The following SHISA9 variants were observed in gnomAD, a reference collection of about 807,000 sequenced individuals.
SHISA9 encodes shisa family member 9, also known as protein shisa-9.
In SHISA9, 13 loss-of-function variants were observed where a neutral mutation model predicts 38.0. The observed-to-expected ratio is 0.34, with a 90% CI of 0.22 to 0.54. SHISA9 has a LOEUF of 0.54. Ranked by LOEUF, SHISA9 falls within the 20% of genes least tolerant of loss-of-function variation. The probability of loss-of-function intolerance (pLI) is 0.91; values close to 1 mark genes in which losing one functional copy is unlikely to be tolerated. For synonymous variants in SHISA9, 275 were observed against 242.0 expected (o/e 1.14, Z -1.27); for missense variants, 538 against 575.8 (o/e 0.93, Z 0.67).
At chr16:13,382,868 A>G in the SHISA9 span, among the ~76,000 whole-genome samples, 1 of 152,322 alleles carries the variant, frequency 6.6e-6, no homozygotes, top group Admixed American at 6.5e-5. Flanking sequence ...AAAACAAACA[A>G]ACAAACAAAG....
At chr16:13,084,936 G>A (rs1204249283) in intron 2 of SHISA9, among the ~76,000 whole-genome samples, 1 of 152,200 alleles carries the variant, frequency 6.6e-6, no homozygotes, top group Admixed American at 6.5e-5. Context: ...GAAAGACCAG[G>A]GTGGCTGGAG....
At chr16:13,093,676 G>A (rs912800306) in intron 2 of SHISA9, among the ~76,000 whole-genome samples, 2 of 152,056 alleles carry the variant, frequency 1.3e-5, no homozygotes, top group Non-Finnish European at 2.9e-5. Context: ...TTGTCCAGGC[G>A]CCCACATGTG....
chr16:13,227,087 AG>A, intron 4 of SHISA9, among the ~76,000 whole-genome samples: 1 of 152,210 alleles, frequency 6.6e-6, no homozygotes, highest in Admixed American at 6.5e-5. Flanking sequence ...CTCAAGAGGC[AG>A]GATGAATGCC....
At chr16:13,329,377 G>A in the SHISA9 span, among the ~76,000 whole-genome samples, 2 of 152,240 alleles carry the variant, frequency 1.3e-5, no homozygotes, top group South Asian at 2.1e-4. Context: ...GGGGCAAGAC[G>A]ATGAACCCTG....
chr16:13,362,244 C>T, the SHISA9 span, among the ~76,000 whole-genome samples: 1 of 140,914 alleles, frequency 7.1e-6, no homozygotes, highest in South Asian at 2.3e-4. Context: ...AACCAAACAA[C>T]AACAACAGCA....
chr16:13,315,846 G>A, the SHISA9 span, among the ~76,000 whole-genome samples: 1 of 152,084 alleles, frequency 6.6e-6, no homozygotes, highest in Admixed American at 6.5e-5. Context: ...AACCCAGGCG[G>A]GTAGAAGCCA....
At chr16:13,503,413 G>T in the SHISA9 span, among the ~76,000 whole-genome samples, 2 of 152,138 alleles carry the variant, frequency 1.3e-5, no homozygotes, top group African/African-American at 4.8e-5. Context: ...TCTATGAATT[G>T]CTTAGGTGGT....
At chr16:13,529,384 C>G in the SHISA9 span, among the ~76,000 whole-genome samples, 2 of 152,296 alleles carry the variant, frequency 1.3e-5, no homozygotes, top group African/African-American at 4.8e-5. Flanking sequence ...AGTTTTTAGA[C>G]AAAGCTTTGT....
intron 3 of SHISA9, among the ~76,000 whole-genome samples, chr16:13,211,977 C>T (rs993373766): frequency 3.3e-5 from 5 of 152,176 alleles, no homozygotes; most frequent in Admixed American, 1.3e-4. Context: ...AACTTCCTCA[C>T]TCTTCTCTCT....
chr16:13,169,749 T>G (rs1393092057), intron 2 of SHISA9, among the ~76,000 whole-genome samples: 1 of 152,192 alleles, frequency 6.6e-6, no homozygotes, highest in Non-Finnish European at 1.5e-5. Context: ...TCCCGAAAGC[T>G]AATGATGACA....
At chr16:13,374,198 G>C in the SHISA9 span, among the ~76,000 whole-genome samples, 2 of 151,184 alleles carry the variant, frequency 1.3e-5, no homozygotes, top group Non-Finnish European at 2.9e-5. Flanking sequence ...TTAAGTTCTA[G>C]GGTACATGTG....
At chr16:13,223,565 G>C (rs1220946534) in intron 4 of SHISA9, among the ~76,000 whole-genome samples, 1 of 152,176 alleles carries the variant, frequency 6.6e-6, no homozygotes, top group African/African-American at 2.4e-5. Context: ...CTCTACCATA[G>C]CTTTCAAGAG....
chr16:13,436,397 A>G, the SHISA9 span, among the ~76,000 whole-genome samples: 1 of 152,228 alleles, frequency 6.6e-6, no homozygotes, highest in Non-Finnish European at 1.5e-5. Context: ...ATGCCATGGC[A>G]ATGTCCATAA....
At chr16:13,338,555 T>C in the SHISA9 span, among the ~76,000 whole-genome samples, 3 of 152,260 alleles carry the variant, frequency 2.0e-5, no homozygotes, top group East Asian at 3.9e-4. Context: ...GTTTGGGAGA[T>C]GGCCACAGCA....
intron 2 of SHISA9, among the ~76,000 whole-genome samples, chr16:12,947,753 C>G (rs981844534): frequency 6.6e-6 from 1 of 152,134 alleles, no homozygotes; most frequent in Non-Finnish European, 1.5e-5. Flanking sequence ...AACTCCCTGC[C>G]CCTTGAAGGT....
intron 2 of SHISA9, among the ~76,000 whole-genome samples, chr16:13,190,027 G>T (rs999751674): frequency 1.3e-5 from 2 of 151,700 alleles, no homozygotes; most frequent in Non-Finnish European, 2.9e-5. Context: ...CCTGTTAATA[G>T]TATCTCATTA....
intron 2 of SHISA9, among the ~76,000 whole-genome samples, chr16:13,042,321 C>G (rs995047565): frequency 1.6e-4 from 24 of 152,182 alleles, no homozygotes; most frequent in African/African-American, 5.3e-4. Flanking sequence ...TCTTTCTGCT[C>G]ATTGACAGAA....
chr16:13,309,527 C>T, the SHISA9 span, among the ~76,000 whole-genome samples: 2 of 151,278 alleles, frequency 1.3e-5, no homozygotes, highest in Non-Finnish European at 2.9e-5. Context: ...CCTGTAATCC[C>T]AGCTACTTGG....
At chr16:13,178,176 G>C (rs2050747615) in intron 2 of SHISA9, among the ~76,000 whole-genome samples, 1 of 152,180 alleles carries the variant, frequency 6.6e-6, no homozygotes, top group Non-Finnish European at 1.5e-5. Context: ...TTCTCAAGTT[G>C]CTCAGAGCAT....
Sources: gnomAD v4.1 joint callset for allele counts (sites outside exome capture counted in the v4.1 genomes callset) on GRCh38, gnomAD v4.1.1 for gene constraint, MANE v1.5 for transcripts, NCBI Gene and HGNC (gene_info 2026-07-23, HGNC 2026-07-21) for gene names.